The following GPATCH11 variants were observed in gnomAD, a reference collection of about 807,000 sequenced individuals.
GPATCH11 encodes the protein G patch domain-containing protein 11.
In GPATCH11, 32 loss-of-function variants were observed where a neutral mutation model predicts 44.8. The ratio of observed to expected loss-of-function variants is 0.71; its 90% confidence interval spans 0.54 to 0.96. The LOEUF (loss-of-function observed/expected upper bound fraction) is 0.96. Among genes scored for constraint, GPATCH11 ranks in the 40% least tolerant of loss-of-function variants. The pLI, the probability that GPATCH11 is intolerant of heterozygous loss-of-function variation, is 0.00. For synonymous variants in GPATCH11, 84 were observed against 94.4 expected (o/e 0.89, Z 0.64); for missense variants, 324 against 303.1 (o/e 1.07, Z -0.51).
chr2:37,097,415 T>C lies in GPATCH11; in HGVS notation c.*1152T>C, dbSNP rs1303223718. The C allele has an allele frequency of 3.3e-5, 5 of 152,238 alleles. No homozygotes were observed. Among genetic ancestry groups the C allele is most frequent in the African/African-American group, 7.2e-5 (3 of 41,464 alleles). 9.4% of individuals were successfully genotyped at this position (152,238 alleles called of 1,614,324 possible). On this transcript the variant is annotated 3_prime_UTR_variant, in exon 9 of 9. Transcript: ENST00000674370. ...TCATGAACCTTTTTAAAAGTTCATA[T>C]GCTCAGGTGTCTCTCCTAGTGATTG...
At chr2:37,092,062 G>C in intron 5 of GPATCH11, 26 bp downstream of exon 5, 1 of 1,611,492 alleles carries the variant, frequency 6.2e-7, no homozygotes, top group Non-Finnish European at 8.5e-7. Flanking sequence ...AGCTGGTTTT[G>C]GTTCTATTTC....
Position 37,098,990 on chromosome 2 carries a change from TGAAAA to T in GPATCH11, c.*2731_*2735del, listed in dbSNP as rs1558400820. On this transcript the variant is annotated 3_prime_UTR_variant, in exon 9 of 9. Coordinates refer to ENST00000674370, the MANE Select transcript of GPATCH11 (RefSeq NM_174931.4). ...ATGAACACCAAGGGAAGCAAAACAC[TGAAAA>T]GAATTTTAAAATTTGTTGTAGAACA... 1 of 152,240 alleles carries T rather than the reference TGAAAA, an allele frequency of 6.6e-6. No homozygotes were observed. The highest frequency in any genetic ancestry group is 1.5e-5 in the Non-Finnish European group (1 of 68,042). The allele number at this position is 152,240 out of a possible 1,614,324, so 9.4% of individuals were successfully genotyped here.
In GPATCH11 at chr2:37,088,413, A is replaced by G. The variant is rs1488432665; in HGVS notation, c.32A>G (p.Tyr11Cys). The change falls in exon 2 of 9, where the codon TAT (tyrosine) becomes TGT (cysteine). Residue 11 changes from tyrosine (Y) to cysteine (C), a missense_variant. Tyr to Cys is a radical substitution (Grantham distance 194). Transcript: ENST00000674370. MKLNMAEEEDYMSDSFINVQE... is the reference protein window; with the variant it reads MKLNMAEEEDCMSDSFINVQE... ...TTGAACATGGCAGAAGAAGAGGACT[A>G]TATGTCTGATTCCTTCATTAATGTC... is the stretch of plus-strand genomic sequence containing the variant. The G allele has an allele frequency of 1.6e-5, 25 of 1,573,536 alleles. No homozygotes were observed. The highest frequency in any genetic ancestry group is 3.4e-5 in the South Asian group (3 of 88,100).
At chr2:37,093,298 C>T (rs1164731378) in intron 6 of GPATCH11, among the ~76,000 whole-genome samples, 1 of 152,064 alleles carries the variant, frequency 6.6e-6, no homozygotes, top group Non-Finnish European at 1.5e-5. Context: ...AGTTTGTGAC[C>T]AGCCTGGACA....
At position 37,094,139 on chromosome 2, in the gene GPATCH11, G is replaced by A; in HGVS notation, c.598G>A (p.Glu200Lys). 6.3e-7 allele frequency: 1 copy of A among 1,587,412 alleles called. No homozygotes were observed. The highest frequency in any genetic ancestry group is 8.6e-7 in the Non-Finnish European group (1 of 1,166,058). Residue 200 changes from glutamate (E) to lysine (K), a missense_variant, in exon 7 of 9, where the codon GAA (glutamate) becomes AAA (lysine). Physicochemically the swap from Glu to Lys is moderately conservative, Grantham distance 56 (BLOSUM62 1). Coordinates refer to ENST00000674370, the MANE Select transcript of GPATCH11 (RefSeq NM_174931.4). ...YWLRLEEETE[E>K]DEEEKEQDED... ...GTTGAGGCTTGAAGAGGAGACTGAA[G>A]AAGATGAAGAAGAAAAAGAACAGGA...
In GPATCH11 at chr2:37,089,767, C is replaced by T. The variant is rs775736596; in HGVS notation, c.187C>T (p.Arg63Cys). ...KSLKEEEQER[R>C]DIGLKNALGC... The stretch of plus-strand genomic sequence containing the variant: ...TTTAAAAGAAGAAGAACAAGAAAGA[C>T]GTGACATTGGGTTGAAGAATGCACT... The change falls in exon 3 of 9, where the codon CGT becomes TGT. Residue 63 changes from arginine (R) to cysteine (C), a missense_variant. By Grantham distance (180) the Arg-to-Cys change is radical. Transcript: ENST00000674370. The T allele has an allele frequency of 1.1e-5, 17 of 1,551,688 alleles. No individual in the cohort carries two copies. Among genetic ancestry groups the T allele is most frequent in the Middle Eastern group, 1.7e-4 (1 of 6,014 alleles).
At chr2:37,090,857 A>T (rs1673284781) in intron 4 of GPATCH11, 135 bp downstream of exon 4, 3 of 554,212 alleles carry the variant, frequency 5.4e-6, no homozygotes, top group Non-Finnish European at 9.6e-6. Context: ...TTAAATTTCT[A>T]AACCTCTTCA....
chr2:37,089,714 A>G lies in GPATCH11; in HGVS notation c.134A>G (p.Glu45Gly). 1 of 1,551,918 alleles carries G rather than the reference A, an allele frequency of 6.4e-7. No homozygotes were observed. The highest frequency in any genetic ancestry group is 8.7e-7 in the Non-Finnish European group (1 of 1,147,050). ...CGTCGAAAAGAAGAAAAGCAACAGG[A>G]AGCCAATTTGAAAAACAGGCAGAAG... ...EARRKEEKQQEANLKNRQKSL... is the reference protein window; with the variant it reads ...EARRKEEKQQGANLKNRQKSL... Residue 45 changes from glutamate to glycine, a missense_variant, in exon 3 of 9, where the codon GAA (glutamate) becomes GGA (glycine). Physicochemically the swap from Glu to Gly is moderately conservative, Grantham distance 98. Transcript: ENST00000674370.
intron 6 of GPATCH11, among the ~76,000 whole-genome samples, chr2:37,092,580 G>A (rs574864784): frequency 6.7e-6 from 1 of 148,774 alleles, no homozygotes; most frequent in African/African-American, 2.5e-5. Flanking sequence ...TGTGACAATT[G>A]ATATAAAAAT....
At position 37,089,624 on chromosome 2, in the gene GPATCH11, C is replaced by A; in HGVS notation, c.60-16C>A. 6.9e-6 allele frequency: 10 copies of A among 1,447,740 alleles called. No individual in the cohort carries two copies. Among genetic ancestry groups the A allele is most frequent in the Non-Finnish European group, 9.4e-6 (10 of 1,058,606 alleles). The allele number at this position is 1,447,740 out of a possible 1,614,324, so 89.7% of individuals were successfully genotyped here. On this transcript the variant is annotated splice_polypyrimidine_tract_variant and intron_variant, in intron 2 of 8. Coordinates refer to ENST00000674370, the MANE Select transcript of GPATCH11 (RefSeq NM_174931.4). ...ACTTTATGGACTCATCTAAAATAAA[C>A]TTTTCCCTTATTCAGAGAAGATATC...
rs1447232502 is a variant in GPATCH11 at position 37,097,041 on chromosome 2, C to T, written c.*778C>T. Reference sequence around the variant, plus strand: ...TAACTGTGATAATTTCTGGTAAAATCATGAGTTTTCATGACAATGTCTATA... The same window carrying T: ...TAACTGTGATAATTTCTGGTAAAATTATGAGTTTTCATGACAATGTCTATA... On this transcript the variant is annotated 3_prime_UTR_variant, in exon 9 of 9. Coordinates refer to ENST00000674370, the MANE Select transcript of GPATCH11 (RefSeq NM_174931.4). 3 of 152,144 alleles carry T rather than the reference C, an allele frequency of 2.0e-5. No homozygotes were observed. The highest frequency in any genetic ancestry group is 7.2e-5 in the African/African-American group (3 of 41,436). The allele number at this position is 152,144 out of a possible 1,614,324, so 9.4% of individuals were successfully genotyped here.
chr2:37,098,207 C>T lies in GPATCH11; in HGVS notation c.*1944C>T, dbSNP rs1476462823. 1 of 151,616 alleles carries T rather than the reference C, an allele frequency of 6.6e-6. No individual in the cohort carries two copies. The highest frequency in any genetic ancestry group is 1.5e-5 in the Non-Finnish European group (1 of 67,956). The allele number at this position is 151,616 out of a possible 1,614,324, so 9.4% of individuals were successfully genotyped here. On this transcript the variant is annotated 3_prime_UTR_variant, in exon 9 of 9. Coordinates refer to ENST00000674370, the MANE Select transcript of GPATCH11 (RefSeq NM_174931.4). ...GCGTGGTGGCATTCGCCTGTAATCC[C>T]AGCTACTCAGAAGGCGGAGGCATGA...
intron 5 of GPATCH11, 32 bp from the exon 6 acceptor site, chr2:37,092,133 A>G (rs1673354780): frequency 6.5e-7 from 1 of 1,546,360 alleles, no homozygotes; most frequent in Non-Finnish European, 8.7e-7. Flanking sequence ...GATAACGTAG[A>G]CCTTTAGTTT....
chr2:37,087,994 G>C (rs978588498), intron 1 of GPATCH11, among the ~76,000 whole-genome samples: 1 of 151,720 alleles, frequency 6.6e-6, no homozygotes, highest in Non-Finnish European at 1.5e-5. Flanking sequence ...GACCAACTAA[G>C]AAGCTGATTA....
rs1487484535 is a variant in GPATCH11, at chr2:37,097,116, G to C, written c.*853G>C. 1 of 152,178 alleles carries C rather than the reference G, an allele frequency of 6.6e-6. No individual in the cohort carries two copies. The allele number at this position is 152,178 out of a possible 1,614,324, so 9.4% of individuals were successfully genotyped here. ...GTTTTGGCTAGAGAAACTTAATTGT[G>C]AGGAAATTTAAATATTGTGTGATGC... On this transcript the variant is annotated 3_prime_UTR_variant, in exon 9 of 9. Transcript: ENST00000674370.
At chr2:37,093,641 C>T (rs1042823248) in intron 6 of GPATCH11, among the ~76,000 whole-genome samples, 4 of 152,132 alleles carry the variant, frequency 2.6e-5, no homozygotes, top group African/African-American at 4.8e-5. Flanking sequence ...TTTGCATCCC[C>T]ATAGTTCATG....
At position 37,095,532 on chromosome 2, in the gene GPATCH11, T is replaced by C; in HGVS notation, c.736+14T>C. 1 of 1,564,440 alleles carries C rather than the reference T, an allele frequency of 6.4e-7. No homozygotes were observed. Among genetic ancestry groups the C allele is most frequent in the Non-Finnish European group, 8.6e-7 (1 of 1,161,426 alleles). On this transcript the variant is annotated intron_variant, in intron 8 of 8. Transcript: ENST00000674370. ...CAGCCTATGAAGGTAAGAAAATTAC[T>C]TTATGCTTTTTAAAAATAGATGAAT...
chr2:37,092,712 T>C (rs1433307622), intron 6 of GPATCH11, among the ~76,000 whole-genome samples: 2 of 152,004 alleles, frequency 1.3e-5, no homozygotes, highest in East Asian at 1.9e-4. Context: ...TTAAATAAAA[T>C]TTTACATTTA....
intron 4 of GPATCH11, among the ~76,000 whole-genome samples, chr2:37,091,402 T>C (rs1334116108): frequency 6.6e-6 from 1 of 151,512 alleles, no homozygotes; most frequent in African/African-American, 2.4e-5. Flanking sequence ...CTGCAAAAAA[T>C]TTAAAAAATT....
Sources: gnomAD v4.1 joint callset for allele counts (sites outside exome capture counted in the v4.1 genomes callset) on GRCh38, gnomAD v4.1.1 for gene constraint, MANE v1.5 for transcripts, NCBI Gene and HGNC (gene_info 2026-07-23, HGNC 2026-07-21) for gene names.